Variants in MTHFD1 observed in about 807,000 individuals in gnomAD.
MTHFD1 encodes methylenetetrahydrofolate dehydrogenase, cyclohydrolase and formyltetrahydrofolate synthetase 1, also known as C-1-tetrahydrofolate synthase, cytoplasmic.
In MTHFD1, 44 loss-of-function variants were observed where a neutral mutation model predicts 110.3. The observed-to-expected ratio is 0.40, with a 90% confidence interval of 0.31 to 0.51. MTHFD1 has a LOEUF of 0.51. Among genes scored for constraint, MTHFD1 ranks in the 20% least tolerant of loss-of-function variants. The probability of loss-of-function intolerance (pLI) is 0.60; values close to 1 mark genes in which losing one functional copy is unlikely to be tolerated. For missense variants in MTHFD1, 909 were observed against 1,173.1 expected (o/e 0.77, Z 3.29); for synonymous variants, 402 against 428.8 (o/e 0.94, Z 0.77).
At chr14:64,431,510 T>G (rs1359714678) in intron 13 of MTHFD1, 22 bp from the exon 14 acceptor site, 2 of 1,579,914 alleles carry the variant, frequency 1.3e-6, no homozygotes, top group Admixed American at 1.7e-5. Context: ...GGGAGACTAA[T>G]GTGGCTTCTG....
At chr14:64,392,083 G>C (rs2077810756) in intron 1 of MTHFD1, among the ~76,000 whole-genome samples, 2 of 152,198 alleles carry the variant, frequency 1.3e-5, no homozygotes, top group African/African-American at 4.8e-5. Context: ...TGACTTACGG[G>C]CAAAGACTTG....
At chr14:64,428,858 T>TC (rs1487780380) in intron 12 of MTHFD1, among the ~76,000 whole-genome samples, 1 of 151,956 alleles carries the variant, frequency 6.6e-6, no homozygotes, top group African/African-American at 2.4e-5. Context: ...AGCCCACCCT[T>TC]CCACCTATTT....
At chr14:64,398,454 G>A (rs1366051064) in intron 1 of MTHFD1, among the ~76,000 whole-genome samples, 1 of 152,176 alleles carries the variant, frequency 6.6e-6, no homozygotes, top group Non-Finnish European at 1.5e-5. Flanking sequence ...GGCTGAAGTG[G>A]GAGGATGGCT....
intron 1 of MTHFD1, among the ~76,000 whole-genome samples, chr14:64,390,741 C>G (rs577673841): frequency 6.6e-6 from 1 of 151,374 alleles, no homozygotes; most frequent in South Asian, 2.1e-4. Flanking sequence ...CTCCACCTCC[C>G]AGGTTCAAGC....
intron 22 of MTHFD1, 130 bp from the exon 23 acceptor site, chr14:64,448,087 C>A (rs1177728277): frequency 4.1e-6 from 3 of 728,378 alleles, no homozygotes; most frequent in African/African-American, 1.8e-5. Context: ...GACCTTCTCT[C>A]TTCTTTCTTG....
intron 1 of MTHFD1, 137 bp from the exon 2 acceptor site, chr14:64,400,656 C>A (rs750212890): frequency 1.5e-6 from 1 of 689,526 alleles, no homozygotes. Flanking sequence ...CCACTGTACT[C>A]CCAGCCTGGG....
Position 64,419,823 on chromosome 14 carries a change from G to A in MTHFD1, c.625G>A (p.Gly209Ser). 1 of 1,612,450 alleles carries A rather than the reference G, an allele frequency of 6.2e-7. No homozygotes were observed. The highest frequency in any genetic ancestry group is 8.5e-7 in the Non-Finnish European group (1 of 1,178,530). ...AATCCCCTACCCCTAGGTAAATAAA[G>A]GTGACATCCTGGTGGTTGCAACTGG... is the stretch of plus-strand genomic sequence containing the variant. ...TAHLDEEVNKGDILVVATGQP... is the reference protein window; with the variant it reads ...TAHLDEEVNKSDILVVATGQP... Residue 209 changes from glycine (G) to serine (S), a missense_variant, in exon 8 of 28, where the codon GGT becomes AGT. This residue lies in a region of MTHFD1 where 424 missense variants were observed against 510.4 expected (regional missense o/e 0.83). Transcript: ENST00000652337.
chr14:64,444,447 C>G (rs756054129), intron 21 of MTHFD1, among the ~76,000 whole-genome samples: 1 of 152,080 alleles, frequency 6.6e-6, no homozygotes, highest in Non-Finnish European at 1.5e-5. Flanking sequence ...CTCCTGCCAT[C>G]GATCCGGTCC....
At chr14:64,407,034 TGCA>T (rs2077941192) in intron 2 of MTHFD1, among the ~76,000 whole-genome samples, 1 of 152,174 alleles carries the variant, frequency 6.6e-6, no homozygotes, top group African/African-American at 2.4e-5. Flanking sequence ...TCCTTAGCAA[TGCA>T]TTCAAGAACA....
rs2078145601 is a variant in MTHFD1, at chr14:64,430,032, A to T, written c.1265-152A>T. The T allele has an allele frequency of 2.7e-5, 20 of 741,154 alleles. No individual in the cohort carries two copies. In the South Asian group the frequency reaches 3.1e-4, roughly 11 times the overall value. The allele number at this position is 741,154 out of a possible 1,614,324, so 45.9% of individuals were successfully genotyped here. On this transcript the variant is annotated intron_variant, in intron 12 of 27. Transcript: ENST00000652337. Reference sequence around the variant, plus strand: ...AGATTTCAATTGAGAGACTAGTATTAGAAAACACTTGATCAAAACTGTCCA... The same window carrying T: ...AGATTTCAATTGAGAGACTAGTATTTGAAAACACTTGATCAAAACTGTCCA...
At chr14:64,427,230 T>C in intron 11 of MTHFD1, 107 bp from the exon 12 acceptor site, 2 of 1,338,350 alleles carry the variant, frequency 1.5e-6, no homozygotes, top group Middle Eastern at 2.5e-4. Context: ...TTTGTCTTTC[T>C]TAATCTTTAG....
rs760893851 is a variant in MTHFD1 at position 64,415,402 on chromosome 14, T to C, written c.285T>C (p.His95=). The change falls in exon 5 of 28, where the codon CAT becomes CAC. Residue 95 remains histidine, a synonymous_variant. Transcript: ENST00000652337. Reference sequence around the variant, plus strand: ...CTTTGAATGAAGACTCTACTGTACATGGGTTCTTAGTGCAGCTACCTTTAG... The same window carrying C: ...CTTTGAATGAAGACTCTACTGTACACGGGTTCTTAGTGCAGCTACCTTTAG... ...ITSLNEDSTV[H]GFLVQLPLDS... 3.1e-6 allele frequency: 5 copies of C among 1,612,248 alleles called. No individual in the cohort carries two copies. The highest frequency in any genetic ancestry group is 3.4e-6 in the Non-Finnish European group (4 of 1,178,344).
chr14:64,426,823 C>G (rs966261272), intron 11 of MTHFD1, among the ~76,000 whole-genome samples: 2 of 152,134 alleles, frequency 1.3e-5, no homozygotes, highest in African/African-American at 4.8e-5. Flanking sequence ...ACTAAGCATT[C>G]ATTTTTATTG....
At position 64,417,759 on chromosome 14, in the gene MTHFD1, G is replaced by T. The variant is rs1480556510; in HGVS notation, c.479-129G>T. 8.5e-7 allele frequency: 1 copy of T among 1,172,072 alleles called. No homozygotes were observed. 72.6% of individuals were successfully genotyped at this position (1,172,072 alleles called of 1,614,324 possible). On this transcript the variant is annotated intron_variant, in intron 6 of 27. Coordinates refer to ENST00000652337, the MANE Select transcript of MTHFD1 (RefSeq NM_005956.4). The surrounding 1 kb of genome is among the most constrained non-coding windows in gnomAD (Gnocchi z 4.4). ...AGAATATTATTGCCAAAGAAGGAAT[G>T]CTTTTAGGAAGGTTTCTGTTTGATG...
chr14:64,431,648 C>G lies in MTHFD1; in HGVS notation c.1419+9C>G. 1 of 1,612,278 alleles carries G rather than the reference C, an allele frequency of 6.2e-7. No homozygotes were observed. Among genetic ancestry groups the G allele is most frequent in the African/African-American group, 1.3e-5 (1 of 74,996 alleles). On this transcript the variant is annotated intron_variant, in intron 14 of 27. Coordinates refer to ENST00000652337, the MANE Select transcript of MTHFD1 (RefSeq NM_005956.4). The stretch of plus-strand genomic sequence containing the variant: ...TGACCCAGACAGACAAGGTAGGATG[C>G]CAAAGCCCCATGAACCCCATTGAAC...
At chr14:64,400,992 T>G in intron 2 of MTHFD1, 115 bp downstream of exon 2, 2 of 771,852 alleles carry the variant, frequency 2.6e-6, no homozygotes, top group Non-Finnish European at 2.2e-6. Flanking sequence ...ATCTCATGCC[T>G]TTTCAGTCTC....
intron 2 of MTHFD1, among the ~76,000 whole-genome samples, chr14:64,406,379 T>C (rs1487452628): frequency 6.6e-6 from 1 of 152,096 alleles, no homozygotes; most frequent in Non-Finnish European, 1.5e-5. Context: ...TGAAATGCAC[T>C]TTTAACTGTG....
chr14:64,447,149 C>CTTTT lies in MTHFD1; in HGVS notation c.2179-1046_2179-1043dup, dbSNP rs35824559. Among the ~76,000 whole-genome samples, 205 of 56,244 alleles carry CTTTT rather than the reference C, an allele frequency of 3.6e-3. 5 individuals are homozygous for CTTTT. Among genetic ancestry groups the CTTTT allele is most frequent in the Non-Finnish European group, 4.9e-3 (163 of 33,422 alleles). 36.9% of individuals were successfully genotyped at this position (56,244 alleles called of 152,430 possible). On this transcript the variant is annotated intron_variant, in intron 22 of 27. Coordinates refer to ENST00000652337, the MANE Select transcript of MTHFD1 (RefSeq NM_005956.4). ...GTGAGCTACCACATCCAGCTCAGTT[C>CTTTT]TTTTTTTTTTTTTTTTTTTTTTTTT... is the stretch of plus-strand genomic sequence containing the variant.
At chr14:64,433,962 G>A (rs907800247) in intron 15 of MTHFD1, among the ~76,000 whole-genome samples, 4 of 152,130 alleles carry the variant, frequency 2.6e-5, no homozygotes, top group Admixed American at 2.0e-4. Context: ...CCTGGGAGGC[G>A]GAGGTTGCAG....
Sources: allele counts gnomAD v4.1 joint callset (sites outside exome capture counted in the v4.1 genomes callset), GRCh38; gene constraint gnomAD v4.1.1; regional missense constraint gnomAD v4.1.1; non-coding constraint Gnocchi (gnomAD v3.1); transcripts MANE v1.5; gene names NCBI Gene and HGNC (gene_info 2026-07-23, HGNC 2026-07-21).